The following PPP1R12C variants were observed in gnomAD, a reference collection of about 807,000 sequenced individuals.
The protein encoded by PPP1R12C is leukocyte receptor cluster (LRC) encoded novel gene 3.
PPP1R12C carries 48 observed loss-of-function variants against 95.6 expected under a neutral mutation model. The observed-to-expected ratio is 0.50, with a 90% CI of 0.40 to 0.64. The LOEUF (loss-of-function observed/expected upper bound fraction) is 0.64, where lower values mean the gene tolerates loss of function less well. PPP1R12C is among the 30% of genes least tolerant of loss of function. PPP1R12C has a pLI of 0.00. For missense variants in PPP1R12C, 1,057 were observed against 1,083.3 expected, an observed-to-expected ratio of 0.98 and a Z score of 0.34; for synonymous variants, 480 against 460.8, an observed-to-expected ratio of 1.04 and a Z score of -0.53.
chr19:55,101,495 C>T (rs1024196672), intron 4 of PPP1R12C, among the ~76,000 whole-genome samples: 1 of 152,194 alleles, frequency 6.6e-6, no homozygotes, highest in East Asian at 1.9e-4. Flanking sequence ...ATGTGACTAG[C>T]GTCTGGCAAA....
intron 19 of PPP1R12C, 134 bp from the exon 20 acceptor site, chr19:55,092,043 C>T: frequency 8.1e-7 from 1 of 1,236,674 alleles, no homozygotes; most frequent in Non-Finnish European, 1.2e-6. Context: ...CAGGCCCCGC[C>T]ACCGGCAGGC....
At chr19:55,116,129 C>G (rs2085150883) in intron 1 of PPP1R12C, among the ~76,000 whole-genome samples, 1 of 152,056 alleles carries the variant, frequency 6.6e-6, no homozygotes, top group Non-Finnish European at 1.5e-5. Flanking sequence ...AGACGGGGTA[C>G]TTTGGGGTTG....
At chr19:55,104,849 G>A (rs1454405276) in intron 3 of PPP1R12C, among the ~76,000 whole-genome samples, 1 of 151,750 alleles carries the variant, frequency 6.6e-6, no homozygotes, top group Non-Finnish European at 1.5e-5. Context: ...TTGGCTCACT[G>A]CAACTTCTGC....
In PPP1R12C at chr19:55,091,258, C is replaced by T. The variant is rs2084835574; in HGVS notation, c.*214G>A. ...GGCCCTGGTCCCCTCTGGCAACGTCCCCCTGCTTGGCTCGGCCTCCCACCT... is the reference window on the plus strand; with the variant it reads ...GGCCCTGGTCCCCTCTGGCAACGTCTCCCTGCTTGGCTCGGCCTCCCACCT... On this transcript the variant is annotated 3_prime_UTR_variant, in exon 22 of 22. Coordinates refer to ENST00000263433, the MANE Select transcript of PPP1R12C (RefSeq NM_017607.4). The T allele has an allele frequency of 1.7e-6, 1 of 594,362 alleles. No homozygotes were observed. The highest frequency in any genetic ancestry group is 3.0e-5 in the Admixed American group (1 of 33,480). 36.8% of individuals were successfully genotyped at this position (594,362 alleles called of 1,614,324 possible).
chr19:55,113,284 A>T, intron 1 of PPP1R12C: 1 of 793,346 alleles, frequency 1.3e-6, no homozygotes, highest in South Asian at 2.7e-5. Flanking sequence ...ACTCTGCAGG[A>T]ACGAAGCCGT....
At chr19:55,094,981 T>C in intron 11 of PPP1R12C, 183 bp from the exon 12 acceptor site, 1 of 759,562 alleles carries the variant, frequency 1.3e-6, no homozygotes, top group Non-Finnish European at 2.1e-6. Context: ...GTCAGAAGGA[T>C]AAAGGACTCT....
At chr19:55,104,199 T>TATATATACAC (rs34075382) in intron 3 of PPP1R12C, among the ~76,000 whole-genome samples, 2 of 120,054 alleles carry the variant, frequency 1.7e-5, no homozygotes, top group African/African-American at 7.4e-5. Flanking sequence ...TATATATATA[T>TATATATACAC]ACACACACAC....
intron 3 of PPP1R12C, among the ~76,000 whole-genome samples, chr19:55,108,406 A>C (rs752089966): frequency 1.3e-5 from 2 of 151,910 alleles, no homozygotes; most frequent in Non-Finnish European, 2.9e-5. Flanking sequence ...AGGTGGGTGG[A>C]TCACTTGAGC....
At chr19:55,094,908 G>C in intron 11 of PPP1R12C, 110 bp from the exon 12 acceptor site, 1 of 1,270,732 alleles carries the variant, frequency 7.9e-7, no homozygotes, top group Non-Finnish European at 1.1e-6. Flanking sequence ...AACAGAGTCA[G>C]AGCTGAGCAG....
chr19:55,110,483 CAG>C (rs1283048807), intron 3 of PPP1R12C, among the ~76,000 whole-genome samples: 5 of 152,132 alleles, frequency 3.3e-5, no homozygotes, highest in African/African-American at 7.2e-5. Flanking sequence ...AAGGTCAACA[CAG>C]GGGGTAGCGT....
At chr19:55,103,315 T>C (rs1226225297) in intron 4 of PPP1R12C, 94 bp downstream of exon 4, 3 of 1,244,782 alleles carry the variant, frequency 2.4e-6, no homozygotes, top group Non-Finnish European at 3.1e-6. Flanking sequence ...GGGAAATACA[T>C]AGCCTTCGGT....
rs201600883 is a variant in PPP1R12C, at chr19:55,092,375, G to C, written c.2056-49C>G. ...CAGGTGGAGGATGGGGCGATGCTGGGGGGGCGGGGAAGCCAGGAAGCTGGG... is the reference window on the plus strand; with the variant it reads ...CAGGTGGAGGATGGGGCGATGCTGGCGGGGCGGGGAAGCCAGGAAGCTGGG... On this transcript the variant is annotated intron_variant, in intron 18 of 21. Coordinates refer to ENST00000263433, the MANE Select transcript of PPP1R12C (RefSeq NM_017607.4). 3.0e-4 allele frequency: 473 copies of C among 1,568,770 alleles called. 1 individual carries two copies. The highest frequency in any genetic ancestry group is 1.1e-3 in the Admixed American group (57 of 53,600).
At chr19:55,094,607 T>A in intron 12 of PPP1R12C, 54 bp downstream of exon 12, 1 of 1,534,954 alleles carries the variant, frequency 6.5e-7, no homozygotes, top group Non-Finnish European at 8.7e-7. Flanking sequence ...CTGCTTCACA[T>A]CGTCTCTCCC....
chr19:55,098,698 C>T (rs1429961478), intron 6 of PPP1R12C, 86 bp downstream of exon 6: 15 of 1,523,132 alleles, frequency 9.8e-6, no homozygotes, highest in South Asian at 8.1e-5. Flanking sequence ...TGTCAGAAGT[C>T]GGGGGGGTTC....
rs1286797985 is a variant in PPP1R12C, at chr19:55,109,163, T to C, written c.571+3304A>G. 1.3e-5 allele frequency among the ~76,000 whole-genome samples: 2 copies of C among 152,148 alleles called. No homozygotes were observed. The highest frequency in any genetic ancestry group is 2.9e-5 in the Non-Finnish European group (2 of 68,022). ...ACAGGGTCTTGCCCCCAGGCTGGAG[T>C]GACCGTGGTTCACTGCATCTTCCAC... On this transcript the variant is annotated intron_variant, in intron 3 of 21. Transcript: ENST00000263433. The surrounding 1 kb of genome is among the most constrained non-coding windows in gnomAD (Gnocchi z 4.4).
At chr19:55,094,632 G>T in intron 12 of PPP1R12C, 29 bp downstream of exon 12, 1 of 1,551,172 alleles carries the variant, frequency 6.4e-7, no homozygotes, top group South Asian at 1.2e-5. Context: ...GGGGGCGGGG[G>T]CGGCAGCTTC....
At chr19:55,108,267 C>T (rs750556008) in intron 3 of PPP1R12C, among the ~76,000 whole-genome samples, 3 of 151,988 alleles carry the variant, frequency 2.0e-5, no homozygotes, top group Non-Finnish European at 4.4e-5. Context: ...AATTCAGTGG[C>T]ATTAAGTAGT....
At chr19:55,097,758 G>A (rs1444699907) in intron 6 of PPP1R12C, among the ~76,000 whole-genome samples, 1 of 152,192 alleles carries the variant, frequency 6.6e-6, no homozygotes, top group Non-Finnish European at 1.5e-5. Flanking sequence ...TCTTAGTGCT[G>A]TAGTACTCAC....
chr19:55,095,614 G>T lies in PPP1R12C; in HGVS notation c.1228-11C>A. The T allele has an allele frequency of 5.8e-6, 9 of 1,547,922 alleles. No homozygotes were observed. The highest frequency in any genetic ancestry group is 7.8e-6 in the Non-Finnish European group (9 of 1,151,508). ...GGCCTCTTCAAGCTGCTGGGAGAAG[G>T]AGGAGGTCTCAGTTAGAGAGAAAGG... On this transcript the variant is annotated splice_polypyrimidine_tract_variant and intron_variant, in intron 9 of 21. Coordinates refer to ENST00000263433, the MANE Select transcript of PPP1R12C (RefSeq NM_017607.4).
Sources: allele counts gnomAD v4.1 joint callset (sites outside exome capture counted in the v4.1 genomes callset), GRCh38; gene constraint gnomAD v4.1.1; non-coding constraint Gnocchi (gnomAD v3.1); transcripts MANE v1.5; gene names NCBI Gene and HGNC (gene_info 2026-07-23, HGNC 2026-07-21).